Variants in BCAS3 observed in about 807,000 individuals in gnomAD.
The protein encoded by BCAS3 is BCAS4/BCAS3 fusion.
A neutral mutation model predicts 116.1 loss-of-function variants in BCAS3; 53 were observed. The ratio of observed to expected loss-of-function variants is 0.46; its 90% confidence interval spans 0.37 to 0.57. The LOEUF is 0.57. Ranked by LOEUF, BCAS3 falls within the 20% of genes least tolerant of loss-of-function variation. The probability of loss-of-function intolerance (pLI) is 0.00; values close to 1 mark genes in which losing one functional copy is unlikely to be tolerated. For missense variants in BCAS3, 917 were observed against 1,165.4 expected (o/e 0.79, Z 3.10); for synonymous variants, 391 against 408.2 (o/e 0.96, Z 0.51).
chr17:60,754,617 T>C (rs2042814124), intron 6 of BCAS3, among the ~76,000 whole-genome samples: 1 of 152,086 alleles, frequency 6.6e-6, no homozygotes, highest in South Asian at 2.1e-4. Context: ...TTCCTGCTCC[T>C]GGAGAAAGAC....
chr17:61,277,630 AC>A (rs2050881889), intron 22 of BCAS3, among the ~76,000 whole-genome samples: 2 of 152,178 alleles, frequency 1.3e-5, no homozygotes, highest in Admixed American at 6.5e-5. Flanking sequence ...ATATATAAGA[AC>A]TACTACATAC....
In BCAS3 at chr17:60,961,772, A is replaced by G. The variant is rs1600025443; in HGVS notation, c.1221+14420A>G. Among the ~76,000 whole-genome samples, 1 of 148,576 alleles carries G rather than the reference A, an allele frequency of 6.7e-6. No individual in the cohort carries two copies. On this transcript the variant is annotated intron_variant, in intron 14 of 23. Transcript: ENST00000407086. The surrounding 1 kb of genome is among the most constrained non-coding windows in gnomAD (Gnocchi z 4.8). ...TCTACTCTCTATCTTCATGAGGCCC[A>G]CTGCTTTTTTTTTTTCACATCAGAT...
At chr17:60,752,413 G>A (rs1037228636) in intron 6 of BCAS3, among the ~76,000 whole-genome samples, 2 of 125,710 alleles carry the variant, frequency 1.6e-5, no homozygotes, top group Admixed American at 9.8e-5. Context: ...TTGCTCACAT[G>A]TGTATTTCAT....
intron 4 of BCAS3, among the ~76,000 whole-genome samples, chr17:60,697,800 G>A (rs1199828248): frequency 6.6e-6 from 1 of 152,028 alleles, no homozygotes; most frequent in African/African-American, 2.4e-5. Flanking sequence ...ATTGTAGTTG[G>A]CTGAAACCAT....
At chr17:60,991,210 A>G (rs768734946) in intron 15 of BCAS3, among the ~76,000 whole-genome samples, 2 of 152,198 alleles carry the variant, frequency 1.3e-5, no homozygotes, top group Non-Finnish European at 1.5e-5. Flanking sequence ...ATTGTAGAGT[A>G]TGTATATTTT....
chr17:60,732,258 A>G (rs2040531563), intron 5 of BCAS3, among the ~76,000 whole-genome samples: 1 of 152,110 alleles, frequency 6.6e-6, no homozygotes, highest in Non-Finnish European at 1.5e-5. Flanking sequence ...ACTGATCTTC[A>G]TTTGTCTCCA....
chr17:61,280,898 A>G (rs2051185465), intron 22 of BCAS3, among the ~76,000 whole-genome samples: 1 of 152,228 alleles, frequency 6.6e-6, no homozygotes, highest in Non-Finnish European at 1.5e-5. Context: ...AACAAGTCCC[A>G]ACTGATTGGC....
intron 22 of BCAS3, among the ~76,000 whole-genome samples, chr17:61,270,026 A>G (rs2050105478): frequency 6.6e-6 from 1 of 150,740 alleles, no homozygotes; most frequent in South Asian, 2.1e-4. Flanking sequence ...GCTGGTCTCA[A>G]ACTCCTTGCC....
chr17:60,988,054 A>G (rs963997706), intron 14 of BCAS3, among the ~76,000 whole-genome samples: 4 of 152,014 alleles, frequency 2.6e-5, no homozygotes, highest in African/African-American at 7.2e-5. Context: ...AATTTTTATC[A>G]TATGTATTTC....
In BCAS3 at chr17:61,095,332, T is replaced by C. The variant is rs1393348970; in HGVS notation, c.2425+10768T>C. On this transcript the variant is annotated intron_variant, in intron 22 of 23. Transcript: ENST00000407086. This position sits in a 1 kb window ranked among gnomAD's most constrained non-coding sequence, Gnocchi z 4.7. ...TTTCTGTTTAGAAAATATTTTTATA[T>C]AGAATGTAATTGATATTTCTACATA... Among the ~76,000 whole-genome samples the C allele has an allele frequency of 6.6e-6, 1 of 152,248 alleles. No homozygotes were observed. Among genetic ancestry groups the C allele is most frequent in the Non-Finnish European group, 1.5e-5 (1 of 68,034 alleles).
intron 7 of BCAS3, among the ~76,000 whole-genome samples, chr17:60,812,530 T>G (rs1242048825): frequency 1.3e-5 from 2 of 152,102 alleles, no homozygotes. Flanking sequence ...TGTAACAATA[T>G]CTGTTTGGGA....
intron 6 of BCAS3, among the ~76,000 whole-genome samples, chr17:60,760,352 A>C (rs2043404154): frequency 6.6e-6 from 1 of 152,058 alleles, no homozygotes; most frequent in African/African-American, 2.4e-5. Context: ...TTTCATGTTT[A>C]GGACTCCTTT....
intron 22 of BCAS3, among the ~76,000 whole-genome samples, chr17:61,334,044 C>G (rs927351859): frequency 3.9e-5 from 6 of 152,086 alleles, no homozygotes; most frequent in African/African-American, 1.4e-4. Flanking sequence ...CTAAGAGAGC[C>G]CTAGAGACTC....
rs1016978183 is a variant in BCAS3, at chr17:61,251,384, T to C, written c.2426-116943T>C. On this transcript the variant is annotated intron_variant, in intron 22 of 23. Transcript: ENST00000407086. The surrounding 1 kb of genome is among the most constrained non-coding windows in gnomAD (Gnocchi z 4.7). ...CAGAGTTTGAGACCATCCTGGCCAA[T>C]ATGGCGAAACCCCGTCTCTACTAAA... 1.3e-5 allele frequency among the ~76,000 whole-genome samples: 2 copies of C among 151,926 alleles called. No homozygotes were observed. The highest frequency in any genetic ancestry group is 4.8e-5 in the African/African-American group (2 of 41,352).
intron 19 of BCAS3, among the ~76,000 whole-genome samples, chr17:61,059,514 G>A (rs1399613153): frequency 6.6e-6 from 1 of 152,144 alleles, no homozygotes; most frequent in Non-Finnish European, 1.5e-5. Flanking sequence ...ATGATAGCTG[G>A]TGGTTGTACT....
At chr17:60,938,714 A>ATAGG (rs1341206226) in intron 13 of BCAS3, among the ~76,000 whole-genome samples, 1 of 134,798 alleles carries the variant, frequency 7.4e-6, no homozygotes, top group Admixed American at 7.3e-5. Flanking sequence ...CTGATAGAAG[A>ATAGG]TAGATAGATA....
At position 61,224,967 on chromosome 17, in the gene BCAS3, A is replaced by G. The variant is rs576447636; in HGVS notation, c.2425+140403A>G. Among the ~76,000 whole-genome samples, 75 of 152,280 alleles carry G rather than the reference A, an allele frequency of 4.9e-4. 2 individuals are homozygous for G. The South Asian group carries it at 0.015, about 30-fold the overall frequency. On this transcript the variant is annotated intron_variant, in intron 22 of 23. Transcript: ENST00000407086. The surrounding 1 kb of genome is among the most constrained non-coding windows in gnomAD (Gnocchi z 5.7). ...GTTTTATGCACACAAAGAGAGAAAC[A>G]TTAGGATTGAATGCAAGCCATTTCA...
intron 14 of BCAS3, among the ~76,000 whole-genome samples, chr17:60,983,861 C>T (rs956048914): frequency 6.6e-5 from 10 of 152,048 alleles, no homozygotes; most frequent in Admixed American, 2.0e-4. Flanking sequence ...TAATTTCTTC[C>T]GGTACTATAT....
intron 15 of BCAS3, among the ~76,000 whole-genome samples, chr17:61,015,106 C>T (rs1275476738): frequency 6.6e-6 from 1 of 152,098 alleles, no homozygotes; most frequent in Non-Finnish European, 1.5e-5. Flanking sequence ...AAAAACTCAG[C>T]TGGCTTTTGT....
Sources: gnomAD v4.1 joint callset for allele counts (sites outside exome capture counted in the v4.1 genomes callset) on GRCh38, gnomAD v4.1.1 for gene constraint, Gnocchi (gnomAD v3.1) non-coding constraint, MANE v1.5 for transcripts, NCBI Gene and HGNC (gene_info 2026-07-23, HGNC 2026-07-21) for gene names.